ARHGAP10: variants seen among roughly 807,000 people sequenced by gnomAD.
ARHGAP10 encodes rho GTPase-activating protein 10.
A neutral mutation model predicts 108.6 loss-of-function variants in ARHGAP10; 87 were observed. That is an observed-to-expected ratio of 0.80 (90% CI 0.67 to 0.96). The LOEUF (loss-of-function observed/expected upper bound fraction) is 0.96, where lower values mean the gene tolerates loss of function less well. Ranked by LOEUF, ARHGAP10 falls within the 40% of genes least tolerant of loss-of-function variation. The pLI is 0.00. For missense variants in ARHGAP10, 939 were observed against 954.5 expected, an observed-to-expected ratio of 0.98 and a Z score of 0.21; for synonymous variants, 347 against 341.1, an observed-to-expected ratio of 1.02 and a Z score of -0.19.
chr4:148,016,293 C>A (rs1741344076), intron 18 of ARHGAP10, among the ~76,000 whole-genome samples: 1 of 151,982 alleles, frequency 6.6e-6, no homozygotes, highest in African/African-American at 2.4e-5. Flanking sequence ...CACTTGAGAC[C>A]AGGAGTTTGA....
chr4:147,906,529 T>C, intron 10 of ARHGAP10, 109 bp from the exon 11 acceptor site: 1 of 1,003,166 alleles, frequency 1.0e-6, no homozygotes, highest in Non-Finnish European at 1.5e-6. Context: ...TTACATGTAT[T>C]TTACCACAGA....
At chr4:147,782,463 T>A (rs1371940288) in intron 1 of ARHGAP10, 2 of 152,192 alleles carry the variant, frequency 1.3e-5, no homozygotes, top group Non-Finnish European at 2.9e-5. Flanking sequence ...GAAACAGTTG[T>A]CAGCAGAAAG....
chr4:147,902,767 A>G (rs893279844), intron 10 of ARHGAP10, among the ~76,000 whole-genome samples: 1 of 151,726 alleles, frequency 6.6e-6, no homozygotes. Flanking sequence ...AGGGGAAGGG[A>G]GGTTTAATTG....
intron 20 of ARHGAP10, among the ~76,000 whole-genome samples, chr4:148,062,640 T>C (rs1197994820): frequency 6.6e-6 from 1 of 152,224 alleles, no homozygotes; most frequent in Admixed American, 6.5e-5. Flanking sequence ...TTGCTGTTCA[T>C]TGGTTTCGAA....
At chr4:147,772,948 A>G (rs887094173) in intron 1 of ARHGAP10, among the ~76,000 whole-genome samples, 1 of 152,134 alleles carries the variant, frequency 6.6e-6, no homozygotes, top group African/African-American at 2.4e-5. Flanking sequence ...AGCAATACAT[A>G]TAGGAGTTAG....
chr4:147,736,120 CTGTG>C (rs10644088), intron 1 of ARHGAP10, among the ~76,000 whole-genome samples: 155 of 144,720 alleles, frequency 1.1e-3, no homozygotes, highest in Middle Eastern at 7.1e-3. Context: ...AATTGTCTAG[CTGTG>C]TGTGTGTGTG....
At chr4:148,021,291 C>CA (rs1427544782) in intron 18 of ARHGAP10, among the ~76,000 whole-genome samples, 1 of 152,150 alleles carries the variant, frequency 6.6e-6, no homozygotes, top group African/African-American at 2.4e-5. Context: ...CCAACACCCT[C>CA]ACTTCAAACT....
intron 18 of ARHGAP10, among the ~76,000 whole-genome samples, chr4:147,973,675 C>T (rs1332426855): frequency 6.6e-6 from 1 of 152,112 alleles, no homozygotes; most frequent in Admixed American, 6.5e-5. Flanking sequence ...CCCTGCTCCC[C>T]CCGCCACTGC....
At chr4:147,816,531 G>A (rs570372907) in intron 1 of ARHGAP10, among the ~76,000 whole-genome samples, 1 of 152,306 alleles carries the variant, frequency 6.6e-6, no homozygotes, top group Non-Finnish European at 1.5e-5. Flanking sequence ...CAGAGTTAGG[G>A]CCAGGAATGC....
intron 16 of ARHGAP10, among the ~76,000 whole-genome samples, chr4:147,961,764 CA>C: frequency 6.6e-6 from 1 of 152,156 alleles, no homozygotes; most frequent in Non-Finnish European, 1.5e-5. Context: ...CCCTTAATCC[CA>C]GTGTTTCCAT....
intron 1 of ARHGAP10, among the ~76,000 whole-genome samples, chr4:147,778,134 C>T (rs1322292434): frequency 6.6e-6 from 1 of 152,146 alleles, no homozygotes; most frequent in Non-Finnish European, 1.5e-5. Context: ...CGGTTTAGCG[C>T]TGAGAGGAGC....
intron 18 of ARHGAP10, among the ~76,000 whole-genome samples, chr4:147,977,591 G>A (rs1435007721): frequency 6.6e-6 from 1 of 152,102 alleles, no homozygotes; most frequent in Non-Finnish European, 1.5e-5. Context: ...GTATAATATG[G>A]CATAGTAGGC....
intron 22 of ARHGAP10, among the ~76,000 whole-genome samples, chr4:148,067,960 C>T (rs115763500): frequency 6.6e-5 from 10 of 152,292 alleles, no homozygotes; most frequent in African/African-American, 1.4e-4. Context: ...AGCTGTTTCT[C>T]TGGGGCTATG....
intron 1 of ARHGAP10, among the ~76,000 whole-genome samples, chr4:147,746,299 T>A (rs1391911972): frequency 6.6e-6 from 1 of 151,856 alleles, no homozygotes; most frequent in Non-Finnish European, 1.5e-5. Context: ...AGACGAGGTT[T>A]CACCATGTTG....
intron 3 of ARHGAP10, among the ~76,000 whole-genome samples, chr4:147,837,643 G>GT (rs59933316): frequency 0.044 from 3,126 of 70,280 alleles, 240 homozygotes; most frequent in Admixed American, 0.13. Context: ...TCTGGTCACT[G>GT]TTTTTTTTTT....
chr4:147,750,183 G>A (rs112036582), intron 1 of ARHGAP10, among the ~76,000 whole-genome samples: 7 of 152,140 alleles, frequency 4.6e-5, no homozygotes, highest in African/African-American at 7.2e-5. Context: ...ACAGTTTCTC[G>A]GTTTAATGTA....
chr4:148,056,074 CT>C (rs1560895865), intron 20 of ARHGAP10, among the ~76,000 whole-genome samples: 2 of 152,196 alleles, frequency 1.3e-5, no homozygotes, highest in African/African-American at 4.8e-5. Flanking sequence ...TCTGTGGCTG[CT>C]TTTTCACTGA....
rs546520815 is a variant in ARHGAP10 at position 147,964,757 on chromosome 4, C to G, written c.1451-267C>G. Among the ~76,000 whole-genome samples, 4 of 152,158 alleles carry G rather than the reference C, an allele frequency of 2.6e-5. No individual in the cohort carries two copies. The South Asian group carries it at 8.3e-4, about 31-fold the overall frequency. On this transcript the variant is annotated intron_variant, in intron 16 of 22. Transcript: ENST00000336498. The stretch of plus-strand genomic sequence containing the variant: ...AGGAGAAGCTTAGCAGCTGTCCGTT[C>G]TGTAATATAAACCAAGGAAAAGGCA...
chr4:147,785,318 A>G (rs1730845785), intron 1 of ARHGAP10, among the ~76,000 whole-genome samples: 1 of 151,978 alleles, frequency 6.6e-6, no homozygotes, highest in South Asian at 2.1e-4. Flanking sequence ...CCAGTGCTCC[A>G]TTTTTGCTTC....
Sources: allele counts gnomAD v4.1 joint callset (sites outside exome capture counted in the v4.1 genomes callset), GRCh38; gene constraint gnomAD v4.1.1; transcripts MANE v1.5; gene names NCBI Gene and HGNC (gene_info 2026-07-23, HGNC 2026-07-21).